TRPM6: variants seen among roughly 807,000 people sequenced by gnomAD.
TRPM6 encodes channel kinase 2.
In TRPM6, 111 loss-of-function variants were observed where a neutral mutation model predicts 247.6. The ratio of observed to expected loss-of-function variants is 0.45; its 90% CI spans 0.38 to 0.52. The LOEUF (loss-of-function observed/expected upper bound fraction) is 0.52. TRPM6 is among the 20% of genes least tolerant of loss of function. TRPM6 has a pLI of 0.00. For missense variants in TRPM6, 2,126 were observed against 2,421.5 expected (o/e 0.88, Z 2.56); for synonymous variants, 892 against 853.8 (o/e 1.04, Z -0.78).
At chr9:74,829,248 C>T (rs552340233) in intron 6 of TRPM6, among the ~76,000 whole-genome samples, 2 of 152,010 alleles carry the variant, frequency 1.3e-5, no homozygotes, top group Non-Finnish European at 2.9e-5. Context: ...GCCAAGATCT[C>T]GCCACTGCAC....
intron 16 of TRPM6, 136 bp from the exon 17 acceptor site, chr9:74,800,618 TTAA>T: frequency 6.3e-6 from 4 of 635,960 alleles, no homozygotes; most frequent in Admixed American, 2.9e-5. Context: ...AAGGCTTCCT[TTAA>T]AAAAAAAAAA....
At chr9:74,852,990 C>T (rs1032780271) in intron 3 of TRPM6, among the ~76,000 whole-genome samples, 2 of 151,970 alleles carry the variant, frequency 1.3e-5, no homozygotes, top group Non-Finnish European at 2.9e-5. Context: ...CCTGGCCGCC[C>T]AGTCTGGGAA....
At chr9:74,826,282 G>A (rs1002642712) in intron 7 of TRPM6, among the ~76,000 whole-genome samples, 4 of 152,174 alleles carry the variant, frequency 2.6e-5, no homozygotes, top group African/African-American at 9.7e-5. Flanking sequence ...AAGGTCACAG[G>A]CACAAAATGA....
chr9:74,806,235 A>C (rs989591635), intron 14 of TRPM6, among the ~76,000 whole-genome samples: 14 of 152,030 alleles, frequency 9.2e-5, no homozygotes, highest in Admixed American at 5.2e-4. Context: ...CCATTAAAAA[A>C]TACAACTGAG....
intron 33 of TRPM6, among the ~76,000 whole-genome samples, chr9:74,740,987 C>T (rs972301123): frequency 5.3e-5 from 8 of 152,036 alleles, no homozygotes; most frequent in Admixed American, 1.3e-4. Context: ...TGCCTTTGGA[C>T]GAGTTACTTA....
At chr9:74,853,377 G>C (rs1042401564) in intron 3 of TRPM6, among the ~76,000 whole-genome samples, 2 of 152,208 alleles carry the variant, frequency 1.3e-5, no homozygotes, top group African/African-American at 2.4e-5. Context: ...GCTCATTGAG[G>C]GCGGGCCATG....
Position 74,762,932 on chromosome 9 carries a change from T to C in TRPM6, c.3739A>G (p.Lys1247Glu). The change falls in exon 26 of 39, where the codon AAA becomes GAA. Residue 1247 changes from lysine (K) to glutamate (E), a missense_variant. This residue lies in a region of TRPM6 where 717 missense variants were observed against 715.9 expected (regional missense o/e 1.00). Coordinates refer to ENST00000360774, the MANE Select transcript of TRPM6 (RefSeq NM_017662.5). ...TTGCTCCAGCTGTGGGGAAGTTTTT[T>C]GCAAGTAGAATGCTTTCTCTTGGCC... ...LLAKRKHSTC[K>E]KLPHSWSNVI... 1 of 1,606,238 alleles carries C rather than the reference T, an allele frequency of 6.2e-7. No individual in the cohort carries two copies. Among genetic ancestry groups the C allele is most frequent in the Non-Finnish European group, 8.5e-7 (1 of 1,175,014 alleles).
chr9:74,768,296 C>G (rs1439076027), intron 25 of TRPM6, among the ~76,000 whole-genome samples: 1 of 152,184 alleles, frequency 6.6e-6, no homozygotes, highest in Non-Finnish European at 1.5e-5. Context: ...TCACTAGGTT[C>G]CCTCACTCTT....
At chr9:74,732,913 G>A (rs1825571116) in intron 36 of TRPM6, among the ~76,000 whole-genome samples, 177 bp from the exon 37 acceptor site, 1 of 152,102 alleles carries the variant, frequency 6.6e-6, no homozygotes, top group Non-Finnish European at 1.5e-5. Context: ...AAAAAATCTG[G>A]CTGGGCGCGG....
chr9:74,865,817 G>A (rs1830827770), intron 1 of TRPM6, among the ~76,000 whole-genome samples: 1 of 152,128 alleles, frequency 6.6e-6, no homozygotes, highest in South Asian at 2.1e-4. Context: ...CTGAAGTGCA[G>A]TGGCTATTCA....
In TRPM6 at chr9:74,871,732, AG is replaced by A. The variant is rs553150236; in HGVS notation, c.34-12985del. 7.9e-5 allele frequency among the ~76,000 whole-genome samples: 12 copies of A among 152,030 alleles called. No homozygotes were observed. In the South Asian group the frequency reaches 1.5e-3, roughly 18 times the overall value. ...ACTTACGAGCAACTTTTTTTTTGAGAGGGGGTCTCACTATATTGCCCAGGTT... is the reference window on the plus strand; with the variant it reads ...ACTTACGAGCAACTTTTTTTTTGAGAGGGGTCTCACTATATTGCCCAGGTT... On this transcript the variant is annotated intron_variant, in intron 1 of 38. Transcript: ENST00000360774.
At chr9:74,811,993 T>C (rs963150739) in intron 12 of TRPM6, among the ~76,000 whole-genome samples, 3 of 152,180 alleles carry the variant, frequency 2.0e-5, no homozygotes, top group East Asian at 1.9e-4. Flanking sequence ...TAAGGGTAAT[T>C]TGAACCATGT....
chr9:74,789,677 C>T lies in TRPM6; in HGVS notation c.2539-935G>A, dbSNP rs1004463517. Among the ~76,000 whole-genome samples the T allele has an allele frequency of 6.6e-5, 10 of 152,146 alleles. No homozygotes were observed. The East Asian group carries it at 1.2e-3, about 18-fold the overall frequency. On this transcript the variant is annotated intron_variant, in intron 19 of 38. Coordinates refer to ENST00000360774, the MANE Select transcript of TRPM6 (RefSeq NM_017662.5). ...ATACTTGCATTTAAAAACCTTGTAT[C>T]GGCTGGATGCGGTGGCTCATGCCTA...
At chr9:74,883,602 A>G (rs973104491) in intron 1 of TRPM6, among the ~76,000 whole-genome samples, 1 of 152,238 alleles carries the variant, frequency 6.6e-6, no homozygotes, top group African/African-American at 2.4e-5. Context: ...ATCTGAACAT[A>G]CTATTCAAGA....
chr9:74,855,520 G>A lies in TRPM6; in HGVS notation c.152+7C>T. On this transcript the variant is annotated splice_region_variant and intron_variant, in intron 3 of 38. Transcript: ENST00000360774. ...GCTAAAAGGAATCTTGCTTATCTAA[G>A]TCTTACCTGATTAAATTCTGGCAGA... 4 of 1,600,078 alleles carry A rather than the reference G, an allele frequency of 2.5e-6. No individual in the cohort carries two copies.
chr9:74,873,613 G>A (rs1180002473), intron 1 of TRPM6, among the ~76,000 whole-genome samples: 1 of 152,054 alleles, frequency 6.6e-6, no homozygotes, highest in African/African-American at 2.4e-5. Flanking sequence ...TGCAATTTCG[G>A]GAGACTCTTT....
intron 31 of TRPM6, 115 bp from the exon 32 acceptor site, chr9:74,744,260 G>C: frequency 8.6e-7 from 1 of 1,163,330 alleles, no homozygotes; most frequent in Non-Finnish European, 1.3e-6. Context: ...TGGCTTCTCA[G>C]TATTCGAAAA....
chr9:74,800,036 G>A, intron 17 of TRPM6: 3 of 576,074 alleles, frequency 5.2e-6, no homozygotes, highest in Admixed American at 2.8e-5. Flanking sequence ...ACGCTCTGTC[G>A]CTCAGTCGCA....
chr9:74,845,022 G>C (rs1242089070), intron 3 of TRPM6, among the ~76,000 whole-genome samples: 1 of 152,074 alleles, frequency 6.6e-6, no homozygotes, highest in East Asian at 1.9e-4. Flanking sequence ...TTATCTAATT[G>C]GTTTGCCCCA....
Sources: gnomAD v4.1 joint callset for allele counts (sites outside exome capture counted in the v4.1 genomes callset) on GRCh38, gnomAD v4.1.1 for gene constraint, gnomAD v4.1.1 regional missense constraint, MANE v1.5 for transcripts, NCBI Gene and HGNC (gene_info 2026-07-23, HGNC 2026-07-21) for gene names.